The following NACC2 variants were observed in gnomAD, a reference collection of about 807,000 sequenced individuals.
NACC2 encodes NACC family member 2, also known as nucleus accumbens-associated protein 2.
In NACC2, 8 loss-of-function variants were observed where a neutral mutation model predicts 25.1. The ratio of observed to expected loss-of-function variants is 0.32; its 90% CI spans 0.19 to 0.57. The LOEUF (loss-of-function observed/expected upper bound fraction) is 0.57. Ranked by LOEUF, NACC2 falls within the 20% of genes least tolerant of loss-of-function variation. The probability of loss-of-function intolerance (pLI) is 0.89; values close to 1 mark genes in which losing one functional copy is unlikely to be tolerated. For synonymous variants in NACC2, 435 were observed against 294.7 expected (o/e 1.48, Z -4.88); for missense variants, 644 against 650.2 (o/e 0.99, Z 0.10).
At chr9:136,093,191 C>T (rs1447571665) in intron 1 of NACC2, among the ~76,000 whole-genome samples, 2 of 152,204 alleles carry the variant, frequency 1.3e-5, no homozygotes, top group Non-Finnish European at 1.5e-5. Flanking sequence ...TGCCCACAAA[C>T]CAGGAAAGCA....
intron 1 of NACC2, among the ~76,000 whole-genome samples, chr9:136,092,276 A>T (rs1436289382): frequency 6.6e-6 from 1 of 152,000 alleles, no homozygotes; most frequent in Non-Finnish European, 1.5e-5. Context: ...GTCTGCAGAC[A>T]CTCACCGCCG....
rs895326902 is a variant in NACC2, at chr9:136,018,024, G to A, written c.887-1595C>T. Among the ~76,000 whole-genome samples, 3 of 152,152 alleles carry A rather than the reference G, an allele frequency of 2.0e-5. No individual in the cohort carries two copies. Among genetic ancestry groups the A allele is most frequent in the Non-Finnish European group, 4.4e-5 (3 of 68,000 alleles). On this transcript the variant is annotated intron_variant, in intron 2 of 5. Coordinates refer to ENST00000277554, the MANE Select transcript of NACC2 (RefSeq NM_144653.5). The surrounding 1 kb of genome is among the most constrained non-coding windows in gnomAD (Gnocchi z 4.4). ...GATGGGAAGTCCCCCGGTGGGGGGC[G>A]GGGGGCAGCTTGCAGGACCTGCTGG...
Position 136,050,203 on chromosome 9 carries a change from G to A in NACC2, c.319C>T (p.Leu107=), listed in dbSNP as rs1394944604. 3.9e-6 allele frequency: 3 copies of A among 772,408 alleles called. No individual in the cohort carries two copies. Among genetic ancestry groups the A allele is most frequent in the African/African-American group, 3.4e-5 (2 of 59,040 alleles). 47.8% of individuals were successfully genotyped at this position (772,408 alleles called of 1,614,324 possible). A position where few individuals can be genotyped will look rare whatever the true frequency, so the allele number is the denominator to read the frequency against. Residue 107 remains leucine, a synonymous_variant, in exon 2 of 6, where the codon CTG becomes TTG. Transcript: ENST00000277554. ...CGCTCCACGATGTGCTGGATCTGCAGGAAGCCGGCCGTGTACATGACCACG... is the reference window on the plus strand; with the variant it reads ...CGCTCCACGATGTGCTGGATCTGCAAGAAGCCGGCCGTGTACATGACCACG... ...QLVVMYTAGF[L]QIQHIVERGT... is the part of the protein sequence containing the mutation.
Position 136,019,425 on chromosome 9 carries a change from G to A in NACC2, c.887-2996C>T, listed in dbSNP as rs944058042. The stretch of plus-strand genomic sequence containing the variant: ...TGAGCCTGGGTCTCGGGTACTGGGG[G>A]ACCCGTGGCCTCCTGTCACCCCAGG... On this transcript the variant is annotated intron_variant, in intron 2 of 5. Transcript: ENST00000277554. The surrounding 1 kb of genome is among the most constrained non-coding windows in gnomAD (Gnocchi z 5.2). 6.6e-6 allele frequency: 1 copy of A among 152,212 alleles called. No homozygotes were observed. Among genetic ancestry groups the A allele is most frequent in the Non-Finnish European group, 1.5e-5 (1 of 68,064 alleles). 9.4% of individuals were successfully genotyped at this position (152,212 alleles called of 1,614,324 possible).
intron 1 of NACC2, among the ~76,000 whole-genome samples, chr9:136,091,644 G>A (rs1830434749): frequency 6.6e-6 from 1 of 152,174 alleles, no homozygotes; most frequent in African/African-American, 2.4e-5. Flanking sequence ...CCCTATACAA[G>A]GGTGTGTGCT....
intron 1 of NACC2, among the ~76,000 whole-genome samples, chr9:136,068,649 T>C (rs1841115695): frequency 1.3e-5 from 2 of 151,842 alleles, no homozygotes; most frequent in South Asian, 4.1e-4. Context: ...CATGTGACTA[T>C]ATACTAAAAA....
At chr9:136,080,052 C>G (rs950064917) in intron 1 of NACC2, among the ~76,000 whole-genome samples, 8 of 152,226 alleles carry the variant, frequency 5.3e-5, no homozygotes, top group African/African-American at 1.7e-4. Flanking sequence ...TGGCCACCCA[C>G]TGTAGTCATG....
intron 1 of NACC2, among the ~76,000 whole-genome samples, chr9:136,068,290 G>A (rs763535570): frequency 6.6e-6 from 1 of 152,090 alleles, no homozygotes; most frequent in Non-Finnish European, 1.5e-5. Flanking sequence ...CTGAGGTCAG[G>A]AGTTCAAGAC....
chr9:136,056,544 CG>C (rs1183985936), intron 1 of NACC2, among the ~76,000 whole-genome samples: 1 of 152,158 alleles, frequency 6.6e-6, no homozygotes, highest in East Asian at 1.9e-4. Flanking sequence ...CAACAGACCC[CG>C]GGTAGCTACG....
rs2131137666 is a variant in NACC2, at chr9:136,020,082, C to G, written c.887-3653G>C. On this transcript the variant is annotated intron_variant, in intron 2 of 5. Coordinates refer to ENST00000277554, the MANE Select transcript of NACC2 (RefSeq NM_144653.5). The surrounding 1 kb of genome is among the most constrained non-coding windows in gnomAD (Gnocchi z 4.7). ...AGTTCTGGAGCCGATGGCAGTGATG[C>G]TCACAAAACAGTGGGAATGCGCTTA... 6.6e-6 allele frequency among the ~76,000 whole-genome samples: 1 copy of G among 152,286 alleles called. No homozygotes were observed. The highest frequency in any genetic ancestry group is 1.5e-5 in the Non-Finnish European group (1 of 68,028).
At chr9:136,047,815 G>A (rs1840752865) in intron 2 of NACC2, among the ~76,000 whole-genome samples, 2 of 152,148 alleles carry the variant, frequency 1.3e-5, no homozygotes, top group South Asian at 2.1e-4. Context: ...CGAAGTCCAG[G>A]CGATGTGAGG....
Position 136,011,670 on chromosome 9 carries a change from G to A in NACC2, c.1610C>T (p.Ser537Leu), listed in dbSNP as rs775250253. Residue 537 changes from serine (S) to leucine (L), a missense_variant, in exon 6 of 6, where the codon TCG (serine) becomes TTG (leucine). By Grantham distance (145) the Ser-to-Leu change is moderately radical (BLOSUM62 -2). Coordinates refer to ENST00000277554, the MANE Select transcript of NACC2 (RefSeq NM_144653.5). Reference sequence around the variant, plus strand: ...GGGGGCGGCCACCTCCTGGATGACCGAGCCAGCCCCGTCCACCTCCTCGCC... The same window carrying A: ...GGGGGCGGCCACCTCCTGGATGACCAAGCCAGCCCCGTCCACCTCCTCGCC... Reference protein sequence around the residue: ...DAGEEVDGAGSVIQEVAAPEP... With the variant: ...DAGEEVDGAGLVIQEVAAPEP... 23 of 1,419,200 alleles carry A rather than the reference G, an allele frequency of 1.6e-5. No homozygotes were observed. Among genetic ancestry groups the A allele is most frequent in the Admixed American group, 9.1e-5 (3 of 33,068 alleles). The allele number at this position is 1,419,200 out of a possible 1,614,324, so 87.9% of individuals were successfully genotyped here. A position where few individuals can be genotyped will look rare whatever the true frequency, so the allele number is the denominator to read the frequency against.
rs1310535686 is a variant in NACC2, at chr9:136,010,012, A to G, written c.*1504T>C. 1 of 152,182 alleles carries G rather than the reference A, an allele frequency of 6.6e-6. No homozygotes were observed. Among genetic ancestry groups the G allele is most frequent in the Non-Finnish European group, 1.5e-5 (1 of 68,046 alleles). 9.4% of individuals were successfully genotyped at this position (152,182 alleles called of 1,614,324 possible). A position where few individuals can be genotyped will look rare whatever the true frequency, so the allele number is the denominator to read the frequency against. ...CCCTGGACAAGGACACAGGCCTCCAAAACAAAAGGGAGGGACACCTGGGTA... is the reference window on the plus strand; with the variant it reads ...CCCTGGACAAGGACACAGGCCTCCAGAACAAAAGGGAGGGACACCTGGGTA... On this transcript the variant is annotated 3_prime_UTR_variant, in exon 6 of 6. Transcript: ENST00000277554. The surrounding 1 kb of genome is among the most constrained non-coding windows in gnomAD (Gnocchi z 4.9).
chr9:136,024,528 TGTGTGGACAGTGTGTGTGA>T lies in NACC2; in HGVS notation c.887-8118_887-8100del, dbSNP rs1333889604. 6.3e-4 allele frequency among the ~76,000 whole-genome samples: 77 copies of T among 121,934 alleles called. 1 individual carries two copies. The highest frequency in any genetic ancestry group is 3.9e-3 in the Admixed American group (44 of 11,164). The allele number at this position is 121,934 out of a possible 152,430, so 80.0% of individuals were successfully genotyped here. On this transcript the variant is annotated intron_variant, in intron 2 of 5. Coordinates refer to ENST00000277554, the MANE Select transcript of NACC2 (RefSeq NM_144653.5). ...ATGTGTGTGTGTGTGTGTGTGTGTG[TGTGTGGACAGTGTGTGTGA>T]GGACAGTGTGTGTAAGGACAGAGTG...
intron 2 of NACC2, among the ~76,000 whole-genome samples, chr9:136,025,926 A>C (rs913281362): frequency 2.6e-5 from 4 of 152,184 alleles, no homozygotes; most frequent in Non-Finnish European, 4.4e-5. Flanking sequence ...AACAAACAAA[A>C]AAAATCCAAC....
rs1830377963 is a variant in NACC2, at chr9:136,086,286, T to C, written c.-60+8903A>G. 6.6e-6 allele frequency among the ~76,000 whole-genome samples: 1 copy of C among 152,120 alleles called. No homozygotes were observed. Among genetic ancestry groups the C allele is most frequent in the Non-Finnish European group, 1.5e-5 (1 of 67,998 alleles). The stretch of plus-strand genomic sequence containing the variant: ...AGCTGGGGACAGGACGAAGGGCACA[T>C]GCCCCCCGAGGCCTCCCACTCAGAG... On this transcript the variant is annotated intron_variant, in intron 1 of 5. Coordinates refer to ENST00000277554, the MANE Select transcript of NACC2 (RefSeq NM_144653.5). The surrounding 1 kb of genome is among the most constrained non-coding windows in gnomAD (Gnocchi z 5.6).
chr9:136,061,546 C>T (rs970956036), intron 1 of NACC2, among the ~76,000 whole-genome samples: 4 of 152,120 alleles, frequency 2.6e-5, no homozygotes, highest in African/African-American at 4.8e-5. Context: ...ATGGATGGGC[C>T]GTGCTGATTG....
At chr9:136,059,976 C>T (rs1375515310) in intron 1 of NACC2, among the ~76,000 whole-genome samples, 1 of 152,202 alleles carries the variant, frequency 6.6e-6, no homozygotes, top group Non-Finnish European at 1.5e-5. Context: ...GGAGCCGCCT[C>T]GGGGGACCTG....
At chr9:136,026,649 G>A (rs752534164) in intron 2 of NACC2, among the ~76,000 whole-genome samples, 2 of 152,206 alleles carry the variant, frequency 1.3e-5, no homozygotes, top group Middle Eastern at 3.2e-3. Context: ...GATGTAAAAT[G>A]ACAAAGGCAC....
Sources: gnomAD v4.1 joint callset for allele counts (sites outside exome capture counted in the v4.1 genomes callset) on GRCh38, gnomAD v4.1.1 for gene constraint, Gnocchi (gnomAD v3.1) non-coding constraint, MANE v1.5 for transcripts, NCBI Gene and HGNC (gene_info 2026-07-23, HGNC 2026-07-21) for gene names.